Variants in HAT1 observed in about 807,000 individuals in gnomAD.
HAT1 encodes the protein histone acetyltransferase 1.
A neutral mutation model predicts 56.6 loss-of-function variants in HAT1; 20 were observed. The observed-to-expected ratio is 0.35, with a 90% CI of 0.25 to 0.51. The LOEUF is 0.51. Among genes scored for constraint, HAT1 ranks in the 20% least tolerant of loss-of-function variants. The probability of loss-of-function intolerance (pLI) is 0.95; values close to 1 mark genes in which losing one functional copy is unlikely to be tolerated. For synonymous variants in HAT1, 146 were observed against 165.5 expected (o/e 0.88, Z 0.91); for missense variants, 408 against 504.3 (o/e 0.81, Z 1.83).
chr2:171,965,954 A>AGTTCTACT, intron 6 of HAT1, 46 bp downstream of exon 6: 1 of 1,546,380 alleles, frequency 6.5e-7, no homozygotes. Flanking sequence ...ACCTCCACAA[A>AGTTCTACT]GCCAGCATTT....
At chr2:171,975,948 G>T (rs1326388637) in intron 8 of HAT1, among the ~76,000 whole-genome samples, 1 of 75,328 alleles carries the variant, frequency 1.3e-5, no homozygotes, top group Non-Finnish European at 2.9e-5. Context: ...ATATTGATTT[G>T]ATGTCTTTTT....
At chr2:171,951,681 G>C (rs34868725) in intron 3 of HAT1, among the ~76,000 whole-genome samples, 1 of 137,174 alleles carries the variant, frequency 7.3e-6, no homozygotes, top group Non-Finnish European at 1.5e-5. Flanking sequence ...ATCCCCCCCC[G>C]CCTCAGCATC....
intron 4 of HAT1, among the ~76,000 whole-genome samples, chr2:171,955,432 T>G (rs1221181690): frequency 6.6e-6 from 1 of 151,686 alleles, no homozygotes; most frequent in Non-Finnish European, 1.5e-5. Context: ...GCCAACATGG[T>G]GAAACCCATC....
chr2:171,947,575 G>A (rs116912775), intron 3 of HAT1, among the ~76,000 whole-genome samples: 2,849 of 152,240 alleles, frequency 0.019, 59 homozygotes, highest in Admixed American at 0.068. Context: ...TTTTTTAGAA[G>A]GAACTTTAAA....
At chr2:171,922,877 T>G in intron 1 of HAT1, 5 of 229,924 alleles carry the variant, frequency 2.2e-5, no homozygotes, top group Non-Finnish European at 3.4e-5. Context: ...TCTGGTCCTG[T>G]TCCCGCCAGC....
At position 171,965,536 on chromosome 2, in the gene HAT1, A is replaced by G; in HGVS notation, c.489+19A>G. ...ATATAAGGTAAAGATAAATCTAAAT[A>G]TTTATTGAGTAAAGTTCTATTTGCC... On this transcript the variant is annotated intron_variant, in intron 5 of 10. Coordinates refer to ENST00000264108, the MANE Select transcript of HAT1 (RefSeq NM_003642.4). 1.4e-6 allele frequency: 2 copies of G among 1,429,662 alleles called. No individual in the cohort carries two copies. Among genetic ancestry groups the G allele is most frequent in the Non-Finnish European group, 1.9e-6 (2 of 1,036,752 alleles). The allele number at this position is 1,429,662 out of a possible 1,614,324, so 88.6% of individuals were successfully genotyped here.
intron 4 of HAT1, among the ~76,000 whole-genome samples, chr2:171,957,133 C>T (rs1447001102): frequency 6.6e-5 from 10 of 152,084 alleles, no homozygotes; most frequent in Admixed American, 6.5e-4. Flanking sequence ...ATTGACAGGA[C>T]AAAATGAAGG....
intron 2 of HAT1, among the ~76,000 whole-genome samples, chr2:171,936,305 T>C (rs1193731243): frequency 6.6e-6 from 1 of 152,178 alleles, no homozygotes; most frequent in African/African-American, 2.4e-5. Flanking sequence ...GATACCTTGT[T>C]CTAGCAGTAT....
chr2:171,983,045 AAAAC>A, intron 10 of HAT1, 136 bp from the exon 11 acceptor site: 2 of 524,928 alleles, frequency 3.8e-6, no homozygotes, highest in Non-Finnish European at 6.6e-6. Flanking sequence ...AAAACAAAAC[AAAAC>A]AAAAAAAAAA....
intron 4 of HAT1, among the ~76,000 whole-genome samples, chr2:171,961,324 C>G (rs1271446960): frequency 6.6e-6 from 1 of 151,990 alleles, no homozygotes; most frequent in South Asian, 2.1e-4. Context: ...AAACCTCCTG[C>G]CTTTTCTTGG....
chr2:171,950,027 T>G (rs1687265584), intron 3 of HAT1, among the ~76,000 whole-genome samples: 1 of 152,214 alleles, frequency 6.6e-6, no homozygotes, highest in South Asian at 2.1e-4. Context: ...CAGTCTCCCA[T>G]GGAACCCCTG....
At chr2:171,924,626 A>G (rs1471262139) in intron 1 of HAT1, 1 of 152,240 alleles carries the variant, frequency 6.6e-6, no homozygotes, top group Non-Finnish European at 1.5e-5. Context: ...CTATTGTGCC[A>G]GTAGCTCACA....
intron 9 of HAT1, among the ~76,000 whole-genome samples, chr2:171,978,607 A>G (rs1688048996): frequency 6.6e-6 from 1 of 152,102 alleles, no homozygotes; most frequent in Admixed American, 6.5e-5. Flanking sequence ...ATGTTTCTAG[A>G]GTCCTTGACC....
chr2:171,941,922 T>C (rs1190678833), intron 2 of HAT1, among the ~76,000 whole-genome samples: 1 of 152,108 alleles, frequency 6.6e-6, no homozygotes, highest in East Asian at 1.9e-4. Flanking sequence ...TTTTGTTTTT[T>C]GAGATGGAGT....
intron 8 of HAT1, among the ~76,000 whole-genome samples, chr2:171,971,680 A>G (rs1178856008): frequency 6.6e-6 from 1 of 152,242 alleles, no homozygotes; most frequent in African/African-American, 2.4e-5. Context: ...CGTCATGATT[A>G]GGTTGATATA....
chr2:171,925,302 C>G (rs1387497587), intron 1 of HAT1, among the ~76,000 whole-genome samples: 2 of 152,008 alleles, frequency 1.3e-5, no homozygotes, highest in Non-Finnish European at 2.9e-5. Flanking sequence ...GAACTCCTGA[C>G]CTTGTGATCC....
chr2:171,952,345 G>T (rs937737336), intron 3 of HAT1, among the ~76,000 whole-genome samples: 3 of 152,240 alleles, frequency 2.0e-5, no homozygotes, highest in Admixed American at 6.5e-5. Context: ...ATAGCAGGGA[G>T]CAGGGGTGGA....
rs372493349 is a variant in HAT1, at chr2:171,952,966, G to A, written c.274G>A (p.Ala92Thr). 1.6e-5 allele frequency: 26 copies of A among 1,590,932 alleles called. No homozygotes were observed. Among genetic ancestry groups the A allele is most frequent in the Non-Finnish European group, 2.2e-5 (26 of 1,159,880 alleles). The change falls in exon 4 of 11, where the codon GCA (alanine) becomes ACA (threonine). Residue 92 changes from alanine to threonine, a missense_variant. Physicochemically the swap from Ala to Thr is moderately conservative, Grantham distance 58. Coordinates refer to ENST00000264108, the MANE Select transcript of HAT1 (RefSeq NM_003642.4). Reference protein sequence around the residue: ...SLSTMFRVEYASKVDENFDCV... With the variant: ...SLSTMFRVEYTSKVDENFDCV... ...GTCAACAATGTTCCGTGTTGAATAT[G>A]CATCTAAAGTTGATGAGAACTTTGA...
intron 10 of HAT1, among the ~76,000 whole-genome samples, chr2:171,982,279 A>C (rs543174536): frequency 6.6e-6 from 1 of 152,296 alleles, no homozygotes; most frequent in South Asian, 2.1e-4. Flanking sequence ...TGGGTGGATC[A>C]CTTGGGCCCA....
Sources: allele counts gnomAD v4.1 joint callset (sites outside exome capture counted in the v4.1 genomes callset), GRCh38; gene constraint gnomAD v4.1.1; transcripts MANE v1.5; gene names NCBI Gene and HGNC (gene_info 2026-07-23, HGNC 2026-07-21).